Variants in FAM20B observed in about 807,000 individuals in gnomAD.
The protein encoded by FAM20B is glycosaminoglycan xylosylkinase.
In FAM20B, 23 loss-of-function variants were observed where a neutral mutation model predicts 43.8. That is an observed-to-expected ratio of 0.53 (90% CI 0.38 to 0.74). FAM20B has a LOEUF of 0.74. Among genes scored for constraint, FAM20B ranks in the 30% least tolerant of loss-of-function variants. The pLI is 0.00. For missense variants in FAM20B, 440 were observed against 510.5 expected, an observed-to-expected ratio of 0.86 and a Z score of 1.33; for synonymous variants, 178 against 192.4, an observed-to-expected ratio of 0.93 and a Z score of 0.62.
chr1:179,060,010 T>C (rs1018669730), intron 4 of FAM20B, among the ~76,000 whole-genome samples: 1 of 151,576 alleles, frequency 6.6e-6, no homozygotes, highest in Non-Finnish European at 1.5e-5. Context: ...CAATGAAAAA[T>C]TTTCTCGTCT....
At chr1:179,041,549 A>G (rs984519362) in intron 1 of FAM20B, among the ~76,000 whole-genome samples, 2 of 146,586 alleles carry the variant, frequency 1.4e-5, no homozygotes, top group African/African-American at 5.1e-5. Flanking sequence ...TCAGGCAGGG[A>G]GGTTGCAGTG....
chr1:179,064,564 G>A (rs1651614168), intron 6 of FAM20B, 68 bp downstream of exon 6: 1 of 1,251,986 alleles, frequency 8.0e-7, no homozygotes, highest in Admixed American at 2.3e-5. Context: ...ATTTTCCAGA[G>A]CATCCTGGAG....
At chr1:179,044,292 ATTTAT>A in intron 2 of FAM20B, 68 bp downstream of exon 2, 1 of 1,501,482 alleles carries the variant, frequency 6.7e-7, no homozygotes, top group Non-Finnish European at 8.9e-7. Flanking sequence ...TTTATATAAG[ATTTAT>A]TTTGTCATCT....
intron 1 of FAM20B, among the ~76,000 whole-genome samples, chr1:179,033,195 C>G (rs972412191): frequency 1.3e-5 from 2 of 152,130 alleles, no homozygotes; most frequent in Non-Finnish European, 2.9e-5. Flanking sequence ...ATAAACCGGA[C>G]ATGTGTCAGT....
At chr1:179,063,794 G>A (rs892765001) in intron 4 of FAM20B, 133 bp from the exon 5 acceptor site, 3 of 615,136 alleles carry the variant, frequency 4.9e-6, no homozygotes, top group Admixed American at 3.1e-5. Flanking sequence ...ATAAATGTTT[G>A]AAATATAGTA....
At chr1:179,040,492 AC>A (rs1158186485) in intron 1 of FAM20B, among the ~76,000 whole-genome samples, 8 of 112,772 alleles carry the variant, frequency 7.1e-5, no homozygotes, top group African/African-American at 2.5e-4. Context: ...CGGGGGGCTG[AC>A]CCCCCCACCT....
At chr1:179,025,550 GCCTA>G (rs1157474679), upstream of FAM20B, among the ~76,000 whole-genome samples, 11 of 152,168 alleles carry the variant, frequency 7.2e-5, no homozygotes, top group Non-Finnish European at 1.2e-4. Context: ...CTGCTTGGCT[GCCTA>G]CCTACCTAAG....
At chr1:179,041,059 CG>C (rs1176668934) in intron 1 of FAM20B, among the ~76,000 whole-genome samples, 1 of 148,198 alleles carries the variant, frequency 6.7e-6, no homozygotes, top group Non-Finnish European at 1.5e-5. Context: ...GATGGGATGG[CG>C]GCCGGGAAGA....
rs538251309 is a variant in FAM20B at position 179,063,813 on chromosome 1, G to A, written c.575-114G>A. The A allele has an allele frequency of 1.3e-5, 9 of 684,916 alleles. No homozygotes were observed. In the South Asian group the frequency reaches 1.8e-4, roughly 14 times the overall value. The allele number at this position is 684,916 out of a possible 1,614,324, so 42.4% of individuals were successfully genotyped here. A position where few individuals can be genotyped will look rare whatever the true frequency, so the allele number is the denominator to read the frequency against. On this transcript the variant is annotated intron_variant, in intron 4 of 7. Coordinates refer to ENST00000263733, the MANE Select transcript of FAM20B (RefSeq NM_014864.4). ...ATGTTTGAAATATAGTAAACTCAGG[G>A]TCTTTGTTTTCACCATGCTTATTTA...
intron 4 of FAM20B, among the ~76,000 whole-genome samples, chr1:179,063,589 AAAC>A (rs966212294): frequency 2.6e-5 from 4 of 152,274 alleles, no homozygotes; most frequent in South Asian, 4.1e-4. Flanking sequence ...CCCTGTCTCA[AAAC>A]AACAACAACA....
intron 4 of FAM20B, among the ~76,000 whole-genome samples, chr1:179,062,394 G>GGC (rs1651503790): frequency 1.3e-5 from 2 of 152,288 alleles, no homozygotes; most frequent in Non-Finnish European, 2.9e-5. Context: ...GCTCACACCT[G>GGC]TAATCCCAGC....
rs1411412670 is a variant in FAM20B, at chr1:179,072,945, A to G, written c.*801A>G. ...CCCAATTAACCAAAAAGTTGTCTCT[A>G]GAGAAAATACTATTACAATCTAAGC... On this transcript the variant is annotated 3_prime_UTR_variant, in exon 8 of 8. Coordinates refer to ENST00000263733, the MANE Select transcript of FAM20B (RefSeq NM_014864.4). 1 of 152,226 alleles carries G rather than the reference A, an allele frequency of 6.6e-6. No individual in the cohort carries two copies. Among genetic ancestry groups the G allele is most frequent in the African/African-American group, 2.4e-5 (1 of 41,450 alleles). The allele number at this position is 152,226 out of a possible 1,614,324, so 9.4% of individuals were successfully genotyped here. A position where few individuals can be genotyped will look rare whatever the true frequency, so the allele number is the denominator to read the frequency against.
Position 179,043,931 on chromosome 1 carries a change from A to G in FAM20B, c.84A>G (p.Leu28=). The G allele has an allele frequency of 6.2e-7, 1 of 1,613,972 alleles. No homozygotes were observed. The highest frequency in any genetic ancestry group is 8.5e-7 in the Non-Finnish European group (1 of 1,179,820). Reference sequence around the variant, plus strand: ...CCAAAGTTTTCCTGATTGACAACTTAGATACATCAGCTGCCAACCGGGAGG... The same window carrying G: ...CCAAAGTTTTCCTGATTGACAACTTGGATACATCAGCTGCCAACCGGGAGG... ...IFTKVFLIDN[L]DTSAANREDQ... is the part of the protein sequence containing the mutation. Residue 28 remains leucine, a synonymous_variant, in exon 2 of 8, where the codon TTA becomes TTG. Transcript: ENST00000263733.
chr1:179,069,825 C>A (rs867414013), intron 7 of FAM20B, among the ~76,000 whole-genome samples: 1 of 152,214 alleles, frequency 6.6e-6, no homozygotes. Context: ...CCCTTCCATG[C>A]ATGCTTTATG....
chr1:179,044,113 A>G lies in FAM20B; in HGVS notation c.266A>G (p.His89Arg), dbSNP rs760177778. ...EETPELGAVM[H>R]AMATKKIIKA... is the part of the protein sequence containing the mutation. ...ACACCAGAGCTGGGGGCAGTCATGCATGCCATGGCCACCAAGAAAATCATT... is the reference window on the plus strand; with the variant it reads ...ACACCAGAGCTGGGGGCAGTCATGCGTGCCATGGCCACCAAGAAAATCATT... Residue 89 changes from histidine to arginine, a missense_variant, in exon 2 of 8, where the codon CAT becomes CGT. Transcript: ENST00000263733. 2 of 1,614,184 alleles carry G rather than the reference A, an allele frequency of 1.2e-6. No individual in the cohort carries two copies. Among genetic ancestry groups the G allele is most frequent in the South Asian group, 1.1e-5 (1 of 91,080 alleles).
chr1:179,054,584 A>G lies in FAM20B; in HGVS notation c.520A>G (p.Thr174Ala), dbSNP rs1271435458. 3 of 1,613,136 alleles carry G rather than the reference A, an allele frequency of 1.9e-6. No individual in the cohort carries two copies. Among genetic ancestry groups the G allele is most frequent in the South Asian group, 2.2e-5 (2 of 91,002 alleles). Residue 174 changes from threonine to alanine, a missense_variant, in exon 4 of 8, where the codon ACA (threonine) becomes GCA (alanine). Coordinates refer to ENST00000263733, the MANE Select transcript of FAM20B (RefSeq NM_014864.4). ...LVVGRFVNLR[T>A]EIKPVATEQL... ...AGTTGGCAGATTTGTTAATCTTCGGACAGAGATCAAACCTGTCGCCACAGA... is the reference window on the plus strand; with the variant it reads ...AGTTGGCAGATTTGTTAATCTTCGGGCAGAGATCAAACCTGTCGCCACAGA...
intron 1 of FAM20B, among the ~76,000 whole-genome samples, chr1:179,027,997 C>T (rs1308604854): frequency 6.6e-6 from 1 of 152,160 alleles, no homozygotes; most frequent in East Asian, 1.9e-4. Context: ...AGCCCTTTCA[C>T]ACAGCCTTAA....
chr1:179,042,679 G>A (rs1391356352), intron 1 of FAM20B, among the ~76,000 whole-genome samples: 6 of 152,218 alleles, frequency 3.9e-5, no homozygotes, highest in Non-Finnish European at 7.3e-5. Context: ...GGTGAGCAAA[G>A]TGGAGAGGAG....
At chr1:179,035,379 G>C (rs1290135981) in intron 1 of FAM20B, 4 of 705,508 alleles carry the variant, frequency 5.7e-6, no homozygotes, top group African/African-American at 5.3e-5. Flanking sequence ...TTCGGTCCTC[G>C]TGGGCTTCAT....
Sources: gnomAD v4.1 joint callset for allele counts (sites outside exome capture counted in the v4.1 genomes callset) on GRCh38, gnomAD v4.1.1 for gene constraint, MANE v1.5 for transcripts, NCBI Gene and HGNC (gene_info 2026-07-23, HGNC 2026-07-21) for gene names.